Variants in LRBA observed in about 807,000 individuals in gnomAD.
LRBA encodes LPS responsive beige-like anchor protein.
LRBA carries 176 observed loss-of-function variants against 330.0 expected under a neutral mutation model. The observed-to-expected ratio is 0.53, with a 90% CI of 0.47 to 0.60. LRBA has a LOEUF of 0.60. Among genes scored for constraint, LRBA ranks in the 20% least tolerant of loss-of-function variants. LRBA has a pLI of 0.00. For synonymous variants in LRBA, 1,230 were observed against 1,193.0 expected, an observed-to-expected ratio of 1.03 and a Z score of -0.64; for missense variants, 3,259 against 3,444.8, an observed-to-expected ratio of 0.95 and a Z score of 1.35.
intron 2 of LRBA, among the ~76,000 whole-genome samples, chr4:151,008,167 G>C (rs1357791854): frequency 6.7e-6 from 1 of 150,040 alleles, no homozygotes; most frequent in African/African-American, 2.5e-5. Flanking sequence ...TACAACCTCC[G>C]CCTCCCGGGT....
intron 34 of LRBA, among the ~76,000 whole-genome samples, chr4:150,772,453 T>G (rs1736712228): frequency 1.3e-5 from 2 of 152,208 alleles, no homozygotes; most frequent in South Asian, 4.1e-4. Context: ...CACATGTACA[T>G]CACTTCGATT....
chr4:150,438,125 C>T lies in LRBA; in HGVS notation c.6781-1261G>A, dbSNP rs537041650. Among the ~76,000 whole-genome samples the T allele has an allele frequency of 1.4e-4, 21 of 152,238 alleles. 1 individual carries two copies. The highest frequency in any genetic ancestry group is 6.8e-3 in the Middle Eastern group (2 of 294). ...TCTGATCTCTAGAAAATCTCTATTC[C>T]GTATTCAAAATGTTAAGTACCCACT... is the stretch of plus-strand genomic sequence containing the variant. On this transcript the variant is annotated intron_variant, in intron 44 of 56. Transcript: ENST00000651943.
At chr4:150,559,995 C>A (rs564904524) in intron 40 of LRBA, among the ~76,000 whole-genome samples, 1 of 125,716 alleles carries the variant, frequency 8.0e-6, no homozygotes, top group Non-Finnish European at 1.6e-5. Flanking sequence ...GACATTATTT[C>A]GTCCATCGAT....
intron 53 of LRBA, among the ~76,000 whole-genome samples, chr4:150,298,795 A>G (rs1467999260): frequency 1.3e-5 from 2 of 152,058 alleles, no homozygotes; most frequent in Non-Finnish European, 2.9e-5. Context: ...CAAAACCAGA[A>G]TGCGAGAATG....
intron 2 of LRBA, among the ~76,000 whole-genome samples, chr4:150,944,271 G>T (rs1258501548): frequency 6.6e-6 from 1 of 152,154 alleles, no homozygotes; most frequent in Non-Finnish European, 1.5e-5. Context: ...AGTAATTGGG[G>T]AAAACTTTAT....
At chr4:151,013,405 T>G (rs960949018) in intron 2 of LRBA, 1 of 152,188 alleles carries the variant, frequency 6.6e-6, no homozygotes, top group African/African-American at 2.4e-5. Flanking sequence ...CAATGGCGCA[T>G]GCCAGTAGTT....
chr4:150,617,497 C>T (rs1198196669), intron 37 of LRBA, among the ~76,000 whole-genome samples: 1 of 151,960 alleles, frequency 6.6e-6, no homozygotes, highest in Non-Finnish European at 1.5e-5. Context: ...CAAAAATTAG[C>T]TGGGCATGGT....
intron 40 of LRBA, among the ~76,000 whole-genome samples, chr4:150,504,250 A>G (rs2152121288): frequency 6.6e-6 from 1 of 152,284 alleles, no homozygotes; most frequent in East Asian, 1.9e-4. Context: ...AACGCCACAA[A>G]GATACTCCTC....
rs113444792 is a variant in LRBA at position 150,401,490 on chromosome 4, C to T, written c.7194+13948G>A. On this transcript the variant is annotated intron_variant, in intron 47 of 56. Transcript: ENST00000651943. ...ACTTATCCATGATGTTAAGTGAGGA[C>T]TTACTATACTTTGTAATGGCAGCCC... is the stretch of plus-strand genomic sequence containing the variant. Among the ~76,000 whole-genome samples, 1,296 of 152,200 alleles carry T rather than the reference C, an allele frequency of 8.5e-3. 16 individuals are homozygous for T. The highest frequency in any genetic ancestry group is 0.03 in the African/African-American group (1,233 of 41,518).
intron 38 of LRBA, among the ~76,000 whole-genome samples, chr4:150,598,644 C>T (rs957708019): frequency 3.9e-5 from 6 of 152,054 alleles, no homozygotes; most frequent in Non-Finnish European, 4.4e-5. Flanking sequence ...AACCTAGAAA[C>T]TTATCTGGTT....
rs1326604885 is a variant in LRBA at position 150,738,034 on chromosome 4, C to A, written c.5646-2668G>T. Among the ~76,000 whole-genome samples the A allele has an allele frequency of 2.0e-5, 3 of 146,870 alleles. No individual in the cohort carries two copies. The Admixed American group carries it at 2.0e-4, about 10-fold the overall frequency. The stretch of plus-strand genomic sequence containing the variant: ...TGAGACGAAGTTTCGCTCTGTCGCC[C>A]AGGCTGGGTATAATGGCACAATCTC... On this transcript the variant is annotated intron_variant, in intron 35 of 56. Coordinates refer to ENST00000651943, the MANE Select transcript of LRBA (RefSeq NM_001364905.1).
chr4:150,338,518 C>T (rs1009717903), intron 48 of LRBA, among the ~76,000 whole-genome samples: 2 of 152,138 alleles, frequency 1.3e-5, no homozygotes, highest in African/African-American at 4.8e-5. Context: ...GAAGCCCCAC[C>T]CCTTCTTCCA....
chr4:150,307,133 T>C (rs186455742), intron 52 of LRBA, among the ~76,000 whole-genome samples: 3 of 152,204 alleles, frequency 2.0e-5, no homozygotes, highest in East Asian at 1.9e-4. Context: ...AACAATAATA[T>C]AGAATGTCAA....
intron 9 of LRBA, among the ~76,000 whole-genome samples, chr4:150,913,813 T>G (rs943495278): frequency 6.6e-6 from 1 of 152,238 alleles, no homozygotes; most frequent in Non-Finnish European, 1.5e-5. Context: ...AAAGTCTATT[T>G]TGTCTAATTT....
rs1406097631 is a variant in LRBA, at chr4:150,672,231, C to T, written c.5921+11320G>A. 3.9e-5 allele frequency among the ~76,000 whole-genome samples: 6 copies of T among 152,184 alleles called. No homozygotes were observed. In the East Asian group the frequency reaches 1.2e-3, roughly 29 times the overall value. ...CAGAATCCTGGGAAAGGTGTACAGG[C>T]GTCAGTACTTTTTTTAATAATCCCA... On this transcript the variant is annotated intron_variant, in intron 37 of 56. Transcript: ENST00000651943.
intron 47 of LRBA, among the ~76,000 whole-genome samples, chr4:150,352,489 A>G (rs767328547): frequency 1.1e-4 from 16 of 152,210 alleles, no homozygotes; most frequent in Non-Finnish European, 1.9e-4. Context: ...ATGCCTTAAA[A>G]ATACTTAGCT....
chr4:150,864,679 C>T (rs1056227198), intron 22 of LRBA, among the ~76,000 whole-genome samples: 1 of 139,298 alleles, frequency 7.2e-6, no homozygotes, highest in Non-Finnish European at 1.5e-5. Flanking sequence ...CAGAGTCTCA[C>T]TCTGTCACCC....
intron 36 of LRBA, among the ~76,000 whole-genome samples, chr4:150,728,654 T>C (rs1730030667): frequency 6.9e-6 from 1 of 145,178 alleles, no homozygotes; most frequent in Non-Finnish European, 1.5e-5. Context: ...CATCCGTTCA[T>C]GATAAAAACC....
intron 55 of LRBA, among the ~76,000 whole-genome samples, chr4:150,278,536 A>C (rs1488867495): frequency 6.6e-6 from 1 of 152,172 alleles, no homozygotes; most frequent in African/African-American, 2.4e-5. Context: ...CAGGGTGATT[A>C]AATCTCAGTT....
Sources: gnomAD v4.1 joint callset for allele counts (sites outside exome capture counted in the v4.1 genomes callset) on GRCh38, gnomAD v4.1.1 for gene constraint, MANE v1.5 for transcripts, NCBI Gene and HGNC (gene_info 2026-07-23, HGNC 2026-07-21) for gene names.